Variants in IFIH1 observed in about 807,000 individuals in gnomAD.
The protein encoded by IFIH1 is interferon-induced helicase C domain-containing protein 1.
A neutral mutation model predicts 107.4 loss-of-function variants in IFIH1; 125 were observed. The ratio of observed to expected loss-of-function variants is 1.16; its 90% CI spans 1.01 to 1.35. The LOEUF (loss-of-function observed/expected upper bound fraction) is 1.35. Ranked by LOEUF, IFIH1 falls within the 40% of genes most tolerant of loss-of-function variation. The pLI, the probability that IFIH1 is intolerant of heterozygous loss-of-function variation, is 0.00. For missense variants in IFIH1, 1,333 were observed against 1,213.7 expected, an observed-to-expected ratio of 1.10 and a Z score of -1.46; for synonymous variants, 458 against 413.2, an observed-to-expected ratio of 1.11 and a Z score of -1.31.
intron 1 of IFIH1, among the ~76,000 whole-genome samples, chr2:162,313,255 G>A (rs1014376454): frequency 1.3e-5 from 2 of 152,128 alleles, no homozygotes; most frequent in Non-Finnish European, 1.5e-5. Context: ...ACATTGTAAA[G>A]ATATTGATCC....
At chr2:162,298,570 G>T (rs2163215) in intron 3 of IFIH1, among the ~76,000 whole-genome samples, 19,404 of 151,938 alleles carry the variant, frequency 0.13, 2,889 homozygotes, top group African/African-American at 0.33. Context: ...TAATCCTCAC[G>T]CCTGGAAGGT....
Position 162,272,238 on chromosome 2 carries a change from C to T in IFIH1, c.2604G>A (p.Glu868=), listed in dbSNP as rs760907862. 2.5e-6 allele frequency: 4 copies of T among 1,611,522 alleles called. No homozygotes were observed. Among genetic ancestry groups the T allele is most frequent in the Admixed American group, 1.7e-5 (1 of 59,680 alleles). ...TGACCAACAATACCTTATGAGCATA[C>T]TCCTCTGGTTTCATATTTTGAACAC... is the stretch of plus-strand genomic sequence containing the variant. The part of the protein sequence containing the change: ...IHCVQNMKPE[E]YAHKILELQM... Residue 868 remains glutamate, a synonymous_variant, in exon 13 of 16, where the codon GAG becomes GAA. Coordinates refer to ENST00000649979, the MANE Select transcript of IFIH1 (RefSeq NM_022168.4).
At chr2:162,295,495 C>A (rs190349910) in intron 3 of IFIH1, among the ~76,000 whole-genome samples, 172 of 151,882 alleles carry the variant, frequency 1.1e-3, no homozygotes, top group African/African-American at 3.5e-3. Flanking sequence ...ACAGCCAATG[C>A]CAATCAAATA....
At chr2:162,309,806 G>A (rs970806612) in intron 2 of IFIH1, among the ~76,000 whole-genome samples, 1 of 152,076 alleles carries the variant, frequency 6.6e-6, no homozygotes, top group East Asian at 1.9e-4. Context: ...TTTACTATAA[G>A]CAGTTAGGGG....
rs1474944804 is a variant in IFIH1, at chr2:162,288,257, T to A, written c.973A>T (p.Ile325Phe). Residue 325 changes from isoleucine to phenylalanine, a missense_variant, in exon 5 of 16, where the codon ATC (isoleucine) becomes TTC (phenylalanine). Coordinates refer to ENST00000649979, the MANE Select transcript of IFIH1 (RefSeq NM_022168.4). ...CTCCCTGTAGGGAGGCAGATGATGA[T>A]ATTCTTCCCTTCCAAGGCTGGCTGG... Reference protein sequence around the residue: ...VAQPALEGKNIIICLPTGSGK... With the variant: ...VAQPALEGKNFIICLPTGSGK... 2 of 1,612,844 alleles carry A rather than the reference T, an allele frequency of 1.2e-6. No homozygotes were observed. Among genetic ancestry groups the A allele is most frequent in the East Asian group, 2.2e-5 (1 of 44,830 alleles).
intron 13 of IFIH1, among the ~76,000 whole-genome samples, chr2:162,269,643 G>C (rs1243864510): frequency 6.6e-6 from 1 of 152,168 alleles, no homozygotes; most frequent in Non-Finnish European, 1.5e-5. Flanking sequence ...ACCTCTCATA[G>C]ATGACATATT....
chr2:162,305,194 A>G (rs568229394), intron 3 of IFIH1, among the ~76,000 whole-genome samples: 1 of 152,350 alleles, frequency 6.6e-6, no homozygotes, highest in Non-Finnish European at 1.5e-5. Context: ...TAATATCCAC[A>G]TTCTGGGAAT....
intron 12 of IFIH1, among the ~76,000 whole-genome samples, chr2:162,273,151 T>A (rs1691078106): frequency 6.6e-6 from 1 of 152,256 alleles, no homozygotes; most frequent in African/African-American, 2.4e-5. Context: ...TTTAGTTAAT[T>A]TTATAGGAAG....
At position 162,318,141 on chromosome 2, in the gene IFIH1, A is replaced by T. The variant is rs1170733940; in HGVS notation, c.167T>A (p.Met56Lys). Reference sequence around the variant, plus strand: ...GCTCAGCAGCAGTTCAACTGCCTGCATGTTCCCGGAGGTGGCGACTGTCCT... The same window carrying T: ...GCTCAGCAGCAGTTCAACTGCCTGCTTGTTCCCGGAGGTGGCGACTGTCCT... Reference protein sequence around the residue: ...IQRTVATSGNMQAVELLLSTL... With the variant: ...IQRTVATSGNKQAVELLLSTL... The change falls in exon 1 of 16, where the codon ATG becomes AAG. Residue 56 changes from methionine to lysine, a missense_variant. Coordinates refer to ENST00000649979, the MANE Select transcript of IFIH1 (RefSeq NM_022168.4). 2 of 1,614,212 alleles carry T rather than the reference A, an allele frequency of 1.2e-6. No homozygotes were observed. The highest frequency in any genetic ancestry group is 1.7e-6 in the Non-Finnish European group (2 of 1,180,044).
rs370024615 is a variant in IFIH1 at position 162,318,246 on chromosome 2, C to A, written c.62G>T (p.Arg21Met). 6.2e-7 allele frequency: 1 copy of A among 1,614,062 alleles called. No homozygotes were observed. The highest frequency in any genetic ancestry group is 8.5e-7 in the Non-Finnish European group (1 of 1,180,046). ...FRYLISCFRA[R>M]VKMYIQVEPV... ...CTCCACCTGGATGTACATTTTCACC[C>A]TGGCCCTGAAGCACGAGATGAGATA... is the stretch of plus-strand genomic sequence containing the variant. The change falls in exon 1 of 16, where the codon AGG becomes ATG. Residue 21 changes from arginine to methionine, a missense_variant. Transcript: ENST00000649979.
At chr2:162,268,369 T>C in intron 13 of IFIH1, 92 bp from the exon 14 acceptor site, 2 of 779,410 alleles carry the variant, frequency 2.6e-6, no homozygotes, top group East Asian at 2.6e-5. Context: ...GAGGTCTTAG[T>C]TGTGAAAATA....
intron 3 of IFIH1, among the ~76,000 whole-genome samples, chr2:162,302,060 T>A (rs1683203025): frequency 6.6e-6 from 1 of 152,148 alleles, no homozygotes; most frequent in South Asian, 2.1e-4. Flanking sequence ...AGTTTGGAGA[T>A]ATGATGAAAT....
rs1682721306 is a variant in IFIH1, at chr2:162,277,649, A to G, written c.1810T>C (p.Leu604=). 2.5e-6 allele frequency: 4 copies of G among 1,612,786 alleles called. No individual in the cohort carries two copies. Among genetic ancestry groups the G allele is most frequent in the Non-Finnish European group, 3.4e-6 (4 of 1,179,234 alleles). The part of the protein sequence containing the change: ...NRKERVCAEH[L]RKYNEALQIN... Reference sequence around the variant, plus strand: ...TGTAGGGCCTCATTGTACTTCCTCAAATGTTCTGCACAAACACGTTCTTTG... The same window carrying G: ...TGTAGGGCCTCATTGTACTTCCTCAGATGTTCTGCACAAACACGTTCTTTG... Residue 604 remains leucine (L), a synonymous_variant, in exon 10 of 16, where the codon TTG becomes CTG. Transcript: ENST00000649979.
intron 8 of IFIH1, 95 bp from the exon 9 acceptor site, chr2:162,278,423 G>C (rs1172387201): frequency 7.3e-6 from 5 of 682,264 alleles, no homozygotes; most frequent in Non-Finnish European, 1.2e-5. Flanking sequence ...TAATAAATCT[G>C]ATTCATCTTT....
chr2:162,309,590 A>T (rs550353833), intron 2 of IFIH1, among the ~76,000 whole-genome samples: 1 of 152,300 alleles, frequency 6.6e-6, no homozygotes, highest in South Asian at 2.1e-4. Context: ...ATTTGCTGGT[A>T]TAATATATCT....
In IFIH1 at chr2:162,314,485, T is replaced by TTTC. The variant is rs1491551500; in HGVS notation, c.453+3369_453+3370insGAA. Among the ~76,000 whole-genome samples, 16 of 115,794 alleles carry TTTC rather than the reference T, an allele frequency of 1.4e-4. 1 individual carries two copies. The highest frequency in any genetic ancestry group is 1.6e-5 in the Non-Finnish European group (1 of 63,270). 76.0% of individuals were successfully genotyped at this position (115,794 alleles called of 152,430 possible). ...CTTTCTTTCTTTCTTTCTTTCTTTC[T>TTTC]TTTTCTTTCTCTCTTTCTTATTAGA... On this transcript the variant is annotated intron_variant, in intron 1 of 15. Coordinates refer to ENST00000649979, the MANE Select transcript of IFIH1 (RefSeq NM_022168.4).
intron 1 of IFIH1, among the ~76,000 whole-genome samples, chr2:162,316,791 G>C (rs1036380066): frequency 2.0e-5 from 3 of 152,076 alleles, no homozygotes; most frequent in Non-Finnish European, 4.4e-5. Flanking sequence ...CATTCAAACA[G>C]GTCAGCATTT....
intron 4 of IFIH1, among the ~76,000 whole-genome samples, chr2:162,291,195 C>T (rs1682992157): frequency 6.6e-6 from 1 of 151,680 alleles, no homozygotes; most frequent in South Asian, 2.1e-4. Context: ...TCAAATAAGG[C>T]TTAAATAATA....
Position 162,267,505 on chromosome 2 carries a change from C to T in IFIH1, c.2872G>A (p.Gly958Ser), listed in dbSNP as rs1466752669. ...TGGCCACATTTGCAGATGATTTCACCATTTATTTGATAGTCGGCACACTTC... is the reference window on the plus strand; with the variant it reads ...TGGCCACATTTGCAGATGATTTCACTATTTATTTGATAGTCGGCACACTTC... Reference protein sequence around the residue: ...QKKCADYQINGEIICKCGQAW... With the variant: ...QKKCADYQINSEIICKCGQAW... Residue 958 changes from glycine (G) to serine (S), a missense_variant, in exon 15 of 16, where the codon GGT (glycine) becomes AGT (serine). By Grantham distance (56) the Gly-to-Ser change is moderately conservative. Coordinates refer to ENST00000649979, the MANE Select transcript of IFIH1 (RefSeq NM_022168.4). 3 of 1,613,978 alleles carry T rather than the reference C, an allele frequency of 1.9e-6. No homozygotes were observed. In the South Asian group the frequency reaches 3.3e-5, roughly 18 times the overall value.
Sources: allele counts gnomAD v4.1 joint callset (sites outside exome capture counted in the v4.1 genomes callset), GRCh38; gene constraint gnomAD v4.1.1; transcripts MANE v1.5; gene names NCBI Gene and HGNC (gene_info 2026-07-23, HGNC 2026-07-21).